Variants in TRDN observed in about 807,000 individuals in gnomAD.
TRDN encodes the protein triadin, also known as triadin in skeletal muscle.
Under a neutral mutation model 149.7 loss-of-function variants are expected in TRDN, and 161 were observed. That is an observed-to-expected ratio of 1.08 (90% confidence interval 0.95 to 1.23). TRDN has a LOEUF of 1.23. TRDN is among the 50% of genes most tolerant of loss of function. TRDN has a pLI of 0.00. For synonymous variants in TRDN, 294 were observed against 250.5 expected (o/e 1.17, Z -1.64); for missense variants, 896 against 823.5 (o/e 1.09, Z -1.08).
intron 1 of TRDN, among the ~76,000 whole-genome samples, chr6:123,612,133 G>A (rs1293664055): frequency 5.3e-5 from 8 of 151,176 alleles, no homozygotes; most frequent in African/African-American, 1.7e-4. Context: ...GCTCACACCT[G>A]TAATCCCAGC....
chr6:123,564,591 G>A (rs1028133150), intron 2 of TRDN, among the ~76,000 whole-genome samples: 1 of 152,148 alleles, frequency 6.6e-6, no homozygotes, highest in African/African-American at 2.4e-5. Context: ...GCAGATAAAT[G>A]GCACACCTCA....
intron 1 of TRDN, among the ~76,000 whole-genome samples, chr6:123,635,335 C>CACACAT (rs1163196225): frequency 6.6e-6 from 1 of 151,534 alleles, no homozygotes; most frequent in East Asian, 1.9e-4. Context: ...CACACACACA[C>CACACAT]ACACACACAC....
chr6:123,379,493 T>C (rs1781633156), intron 16 of TRDN, among the ~76,000 whole-genome samples: 1 of 152,178 alleles, frequency 6.6e-6, no homozygotes, highest in Non-Finnish European at 1.5e-5. Flanking sequence ...GAAGCTCTAA[T>C]TATAAAACAT....
rs536796625 is a variant in TRDN, at chr6:123,467,976, G to C, written c.854-2993C>G. 2.0e-5 allele frequency among the ~76,000 whole-genome samples: 3 copies of C among 152,130 alleles called. No homozygotes were observed. The East Asian group carries it at 5.8e-4, about 29-fold the overall frequency. ...CATAACATCTCCAAGCTTCAGTTAA[G>C]GTGTTTATAAAATGTGGATAGTTGT... On this transcript the variant is annotated intron_variant, in intron 9 of 40. Transcript: ENST00000334268.
chr6:123,388,111 GA>G (rs57627210), intron 14 of TRDN, among the ~76,000 whole-genome samples: 79,273 of 147,234 alleles, frequency 0.54, 21,745 homozygotes, highest in African/African-American at 0.67. Context: ...AGCAATGGGA[GA>G]AAAAAAAAAA....
chr6:123,336,879 T>C (rs1200291118), intron 22 of TRDN, among the ~76,000 whole-genome samples: 2 of 151,594 alleles, frequency 1.3e-5, no homozygotes, highest in Admixed American at 1.3e-4. Context: ...ATATACGTAC[T>C]ACAGAATAAA....
At chr6:123,482,446 A>G (rs189178199) in intron 9 of TRDN, among the ~76,000 whole-genome samples, 362 of 152,308 alleles carry the variant, frequency 2.4e-3, no homozygotes, top group African/African-American at 8.3e-3. Context: ...AAGTCATCCA[A>G]TCTCTCTTCC....
At chr6:123,287,870 T>C (rs909092045) in intron 24 of TRDN, among the ~76,000 whole-genome samples, 2 of 151,986 alleles carry the variant, frequency 1.3e-5, no homozygotes, top group Non-Finnish European at 2.9e-5. Context: ...AAATAGTGAG[T>C]AGCAATATAA....
intron 1 of TRDN, among the ~76,000 whole-genome samples, chr6:123,574,857 C>CATATACAT (rs1782755935): frequency 2.0e-5 from 1 of 50,570 alleles, no homozygotes; most frequent in Non-Finnish European, 3.7e-5. Context: ...TTTATATATA[C>CATATACAT]ATATATATAT....
chr6:123,460,369 G>T (rs1411603202), intron 10 of TRDN, among the ~76,000 whole-genome samples: 1 of 152,102 alleles, frequency 6.6e-6, no homozygotes, highest in East Asian at 1.9e-4. Flanking sequence ...AATATTAACA[G>T]CAACCAATGG....
chr6:123,593,188 C>T (rs1454809459), intron 1 of TRDN, among the ~76,000 whole-genome samples: 2 of 152,166 alleles, frequency 1.3e-5, no homozygotes, highest in Admixed American at 1.3e-4. Context: ...ATCACAATTA[C>T]ATTGCTATAG....
At chr6:123,510,717 C>T (rs1241451682) in intron 7 of TRDN, among the ~76,000 whole-genome samples, 3 of 151,556 alleles carry the variant, frequency 2.0e-5, no homozygotes, top group African/African-American at 7.3e-5. Flanking sequence ...AATCTCAGCT[C>T]ACTGCAACCT....
chr6:123,382,243 G>A (rs1435640736), intron 14 of TRDN, 96 bp from the exon 15 acceptor site: 4 of 792,324 alleles, frequency 5.0e-6, no homozygotes, highest in Non-Finnish European at 7.5e-6. Context: ...AAATAAAATT[G>A]ATTATTCAAC....
At chr6:123,284,211 A>T (rs565182810) in intron 24 of TRDN, among the ~76,000 whole-genome samples, 2 of 150,848 alleles carry the variant, frequency 1.3e-5, no homozygotes, top group East Asian at 3.9e-4. Flanking sequence ...GACATAACAA[A>T]AAAGAAAACT....
At chr6:123,401,414 G>A (rs929755037) in intron 12 of TRDN, among the ~76,000 whole-genome samples, 3 of 152,234 alleles carry the variant, frequency 2.0e-5, no homozygotes, top group East Asian at 1.9e-4. Context: ...TGAACATTAT[G>A]CAATTTGATT....
chr6:123,267,882 A>G (rs1042048747), intron 31 of TRDN, 131 bp from the exon 32 acceptor site: 10 of 661,098 alleles, frequency 1.5e-5, no homozygotes, highest in South Asian at 2.4e-5. Context: ...GTAATTTGAA[A>G]CAAAGAAAGC....
At chr6:123,456,738 G>A (rs775204815) in intron 10 of TRDN, 11 of 450,484 alleles carry the variant, frequency 2.4e-5, no homozygotes, top group Non-Finnish European at 4.5e-5. Context: ...CAAAGTGTTG[G>A]GGATTACAGC....
intron 4 of TRDN, among the ~76,000 whole-genome samples, chr6:123,537,053 T>C (rs1479315819): frequency 6.6e-6 from 1 of 152,126 alleles, no homozygotes; most frequent in African/African-American, 2.4e-5. Flanking sequence ...TATTTCAAAA[T>C]TTATAGATGC....
chr6:123,491,083 C>T (rs1266790425), intron 9 of TRDN, among the ~76,000 whole-genome samples: 6 of 127,754 alleles, frequency 4.7e-5, no homozygotes, highest in Admixed American at 1.5e-4. Flanking sequence ...TCCAGCCTGG[C>T]GACAGAGTGA....
Sources: allele counts gnomAD v4.1 joint callset (sites outside exome capture counted in the v4.1 genomes callset), GRCh38; gene constraint gnomAD v4.1.1; transcripts MANE v1.5; gene names NCBI Gene and HGNC (gene_info 2026-07-23, HGNC 2026-07-21).